Variants in DNAH6 observed in about 807,000 individuals in gnomAD.
The protein encoded by DNAH6 is axonemal beta dynein heavy chain 6.
Under a neutral mutation model 491.4 loss-of-function variants are expected in DNAH6, and 340 were observed. The ratio of observed to expected loss-of-function variants is 0.69; its 90% confidence interval spans 0.63 to 0.76. The LOEUF is 0.76. Among genes scored for constraint, DNAH6 ranks in the 30% least tolerant of loss-of-function variants. DNAH6 has a pLI of 0.00. For missense variants in DNAH6, 4,443 were observed against 4,972.2 expected, an observed-to-expected ratio of 0.89 and a Z score of 3.20; for synonymous variants, 1,603 against 1,686.1, an observed-to-expected ratio of 0.95 and a Z score of 1.21.
intron 61 of DNAH6, among the ~76,000 whole-genome samples, chr2:84,730,475 T>C (rs887300260): frequency 2.0e-5 from 3 of 152,108 alleles, no homozygotes; most frequent in Non-Finnish European, 2.9e-5. Flanking sequence ...TCTTTTGGCT[T>C]CCCTGGGCCA....
At chr2:84,797,190 A>G (rs1445842993) in intron 69 of DNAH6, among the ~76,000 whole-genome samples, 1 of 152,250 alleles carries the variant, frequency 6.6e-6, no homozygotes, top group Admixed American at 6.5e-5. Flanking sequence ...AATCTCTAAC[A>G]CAAGCATAAA....
At chr2:84,681,035 T>G (rs1266308723) in intron 41 of DNAH6, among the ~76,000 whole-genome samples, 1 of 152,142 alleles carries the variant, frequency 6.6e-6, no homozygotes, top group Non-Finnish European at 1.5e-5. Context: ...TTTCTGTTCA[T>G]TTCCAGGTGG....
chr2:84,674,547 G>A (rs1412006137), intron 40 of DNAH6, among the ~76,000 whole-genome samples: 2 of 152,112 alleles, frequency 1.3e-5, no homozygotes, highest in East Asian at 3.8e-4. Flanking sequence ...CTCGAGAAAG[G>A]GGCCTTGGTC....
At chr2:84,558,296 C>T (rs901243205) in intron 11 of DNAH6, among the ~76,000 whole-genome samples, 5 of 151,654 alleles carry the variant, frequency 3.3e-5, no homozygotes, top group Admixed American at 1.3e-4. Flanking sequence ...GGCGTGGTGG[C>T]GGGTGCCTGT....
chr2:84,471,399 C>G, the DNAH6 span, among the ~76,000 whole-genome samples: 1 of 152,216 alleles, frequency 6.6e-6, no homozygotes, highest in South Asian at 2.1e-4. Context: ...TCCCCTTTCC[C>G]TTTTACAAGA....
intron 11 of DNAH6, among the ~76,000 whole-genome samples, chr2:84,571,620 T>A (rs572572102): frequency 6.6e-6 from 1 of 152,112 alleles, no homozygotes; most frequent in South Asian, 2.1e-4. Context: ...TTGTCCCACA[T>A]TAAAGAAAAC....
Position 84,787,218 on chromosome 2 carries a change from A to C in DNAH6, c.11155A>C (p.Ser3719Arg), listed in dbSNP as rs1559041256. ...GAATATCTGCTATGAATTTAATGAC[A>C]GTGACAGGGAATGTGCTTTACTGAA... ...GWNICYEFND[S>R]DRECALLNLK... The change falls in exon 68 of 77, where the codon AGT becomes CGT. Residue 3719 changes from serine (S) to arginine (R), a missense_variant. Ser to Arg is a moderately radical substitution (Grantham distance 110). Around this residue, in one of 3 missense-constraint regions of DNAH6, gnomAD observed 1,463 missense variants for 1,656.6 expected, o/e 0.88. Coordinates refer to ENST00000389394, the MANE Select transcript of DNAH6 (RefSeq NM_001370.2). The C allele has an allele frequency of 6.5e-7, 1 of 1,541,982 alleles. No homozygotes were observed. Among genetic ancestry groups the C allele is most frequent in the Non-Finnish European group, 8.8e-7 (1 of 1,140,250 alleles).
chr2:84,671,068 G>A (rs1234234786), intron 39 of DNAH6, among the ~76,000 whole-genome samples: 1 of 152,154 alleles, frequency 6.6e-6, no homozygotes, highest in African/African-American at 2.4e-5. Context: ...GGGGTCATGG[G>A]ATGCTCTTCA....
At position 84,753,755 on chromosome 2, in the gene DNAH6, T is replaced by TAAAAAAAA. The variant is rs1162541312; in HGVS notation, c.10512+8523_10512+8530dup. Among the ~76,000 whole-genome samples the TAAAAAAAA allele has an allele frequency of 2.4e-3, 187 of 77,116 alleles. 1 individual carries two copies. The highest frequency in any genetic ancestry group is 3.3e-3 in the Non-Finnish European group (146 of 44,442). The allele number at this position is 77,116 out of a possible 152,430, so 50.6% of individuals were successfully genotyped here. The stretch of plus-strand genomic sequence containing the variant: ...CTGGGCAACAGGAGTGAAACTCTGT[T>TAAAAAAAA]AAAAAAAAAAAAAAAAAAAAAAAAG... On this transcript the variant is annotated intron_variant, in intron 63 of 76. Coordinates refer to ENST00000389394, the MANE Select transcript of DNAH6 (RefSeq NM_001370.2).
rs1401607987 is a variant in DNAH6, at chr2:84,624,585, G to A, written c.4318G>A (p.Gly1440Ser). 4.5e-6 allele frequency: 7 copies of A among 1,551,320 alleles called. No homozygotes were observed. The highest frequency in any genetic ancestry group is 6.1e-6 in the Non-Finnish European group (7 of 1,146,898). Residue 1440 changes from glycine to serine, a missense_variant, in exon 28 of 77, where the codon GGT becomes AGT. By Grantham distance (56) the Gly-to-Ser change is moderately conservative. Coordinates refer to ENST00000389394, the MANE Select transcript of DNAH6 (RefSeq NM_001370.2). The part of the protein sequence containing the change: ...SQYTYGYEYL[G>S]ACPRLVITPL... ...GTACACTTATGGCTATGAATATTTGGGTGCATGCCCAAGATTGGTTATTAC... is the reference window on the plus strand; with the variant it reads ...GTACACTTATGGCTATGAATATTTGAGTGCATGCCCAAGATTGGTTATTAC...
Position 84,653,868 on chromosome 2 carries a change from T to C in DNAH6, c.5628T>C (p.Leu1876=), listed in dbSNP as rs1258108544. 3 of 1,546,572 alleles carry C rather than the reference T, an allele frequency of 1.9e-6. No individual in the cohort carries two copies. The South Asian group carries it at 3.6e-5, about 19-fold the overall frequency. ...RIKLTPQIHM[L]FEVQDLRVAS... ...AACTCACACCTCAAATTCACATGCT[T>C]TTTGAGGTAAGTGTACACATTACTG... The change falls in exon 34 of 77, where the codon CTT becomes CTC. Residue 1876 remains leucine, a synonymous_variant. Coordinates refer to ENST00000389394, the MANE Select transcript of DNAH6 (RefSeq NM_001370.2).
chr2:84,715,739 G>A, intron 58 of DNAH6, 112 bp downstream of exon 58: 1 of 1,001,078 alleles, frequency 1.0e-6, no homozygotes, highest in Non-Finnish European at 1.5e-6. Flanking sequence ...CACTACACAT[G>A]AACCCTTAAT....
At chr2:84,787,385 G>A in intron 68 of DNAH6, 83 bp downstream of exon 68, 1 of 1,078,208 alleles carries the variant, frequency 9.3e-7, no homozygotes, top group Non-Finnish European at 1.3e-6. Context: ...TACAAAGATG[G>A]TGTCCTCCCC....
intron 56 of DNAH6, among the ~76,000 whole-genome samples, chr2:84,712,155 G>A (rs889348558): frequency 3.9e-5 from 6 of 152,162 alleles, no homozygotes; most frequent in African/African-American, 1.4e-4. Flanking sequence ...TTCAAACTTT[G>A]TCTCCACCCA....
the DNAH6 span, among the ~76,000 whole-genome samples, chr2:84,487,065 C>T: frequency 6.6e-6 from 1 of 152,184 alleles, no homozygotes; most frequent in South Asian, 2.1e-4. Flanking sequence ...TAAAATTTAG[C>T]TTCACACAGG....
At chr2:84,653,198 A>C in intron 33 of DNAH6, 121 bp from the exon 34 acceptor site, 1 of 838,718 alleles carries the variant, frequency 1.2e-6, no homozygotes, top group Non-Finnish European at 1.8e-6. Context: ...AATACTGTAC[A>C]TGTCAGAAGA....
At chr2:84,577,985 A>G (rs1682639972) in intron 13 of DNAH6, among the ~76,000 whole-genome samples, 1 of 152,236 alleles carries the variant, frequency 6.6e-6, no homozygotes, top group African/African-American at 2.4e-5. Flanking sequence ...TGTTTTGTAT[A>G]CAGTTTTATC....
intron 59 of DNAH6, among the ~76,000 whole-genome samples, chr2:84,719,914 A>G (rs1285576940): frequency 1.3e-5 from 2 of 151,446 alleles, no homozygotes; most frequent in Non-Finnish European, 2.9e-5. Flanking sequence ...ACACACACAA[A>G]CACACACACC....
At chr2:84,552,777 T>C (rs1017031029) in intron 9 of DNAH6, 141 bp from the exon 10 acceptor site, 1 of 461,808 alleles carries the variant, frequency 2.2e-6, no homozygotes, top group Non-Finnish European at 3.8e-6. Flanking sequence ...TTCTTTATTA[T>C]TCTCTGAAAC....
Sources: gnomAD v4.1 joint callset for allele counts (sites outside exome capture counted in the v4.1 genomes callset) on GRCh38, gnomAD v4.1.1 for gene constraint, gnomAD v4.1.1 regional missense constraint, MANE v1.5 for transcripts, NCBI Gene and HGNC (gene_info 2026-07-23, HGNC 2026-07-21) for gene names.